The following TTC29 variants were observed in gnomAD, a reference collection of about 807,000 sequenced individuals.
TTC29 encodes tetratricopeptide repeat domain 29.
In TTC29, 49 loss-of-function variants were observed where a neutral mutation model predicts 58.1. The observed-to-expected ratio is 0.84, with a 90% CI of 0.67 to 1.07. TTC29 has a LOEUF of 1.07. TTC29 is among the 50% of genes least tolerant of loss of function. The pLI is 0.00. For missense variants in TTC29, 582 were observed against 555.6 expected (o/e 1.05, Z -0.48); for synonymous variants, 209 against 196.8 (o/e 1.06, Z -0.52).
At chr4:146,876,489 T>C (rs1462975146) in intron 6 of TTC29, among the ~76,000 whole-genome samples, 4 of 152,242 alleles carry the variant, frequency 2.6e-5, no homozygotes, top group Non-Finnish European at 5.9e-5. Context: ...GGGTTGGAGC[T>C]ACTTCCATGA....
At chr4:146,849,040 C>T (rs1051102368) in intron 8 of TTC29, among the ~76,000 whole-genome samples, 1 of 152,114 alleles carries the variant, frequency 6.6e-6, no homozygotes, top group Admixed American at 6.5e-5. Flanking sequence ...CTACTCACTG[C>T]GAGTCTGGAG....
intron 6 of TTC29, among the ~76,000 whole-genome samples, chr4:146,900,533 G>A (rs957814395): frequency 6.6e-6 from 1 of 152,132 alleles, no homozygotes; most frequent in Non-Finnish European, 1.5e-5. Context: ...GCCACTAAAT[G>A]GTAGGTGCAA....
At chr4:146,805,224 TC>T (rs1427570150) in intron 10 of TTC29, among the ~76,000 whole-genome samples, 1 of 151,906 alleles carries the variant, frequency 6.6e-6, no homozygotes, top group Non-Finnish European at 1.5e-5. Flanking sequence ...AGAAATGCCA[TC>T]CGAAGATTAC....
intron 11 of TTC29, among the ~76,000 whole-genome samples, chr4:146,795,874 A>G (rs1018424512): frequency 1.3e-5 from 2 of 152,216 alleles, no homozygotes; most frequent in African/African-American, 4.8e-5. Flanking sequence ...CTGAACTGGT[A>G]TAATATTTGG....
intron 11 of TTC29, among the ~76,000 whole-genome samples, chr4:146,794,511 T>C (rs1728561738): frequency 6.6e-6 from 1 of 152,070 alleles, no homozygotes; most frequent in African/African-American, 2.4e-5. Context: ...AATATTAATC[T>C]CAAAGTTTTA....
intron 2 of TTC29, chr4:146,942,741 T>C (rs1736527069): frequency 2.4e-6 from 2 of 840,974 alleles, no homozygotes; most frequent in Non-Finnish European, 3.6e-6. Context: ...ATTTGGGGCA[T>C]TCCATCCTCT....
chr4:146,884,903 T>C (rs530698638), intron 6 of TTC29, among the ~76,000 whole-genome samples: 1 of 152,190 alleles, frequency 6.6e-6, no homozygotes, highest in East Asian at 1.9e-4. Context: ...AAGGAGGCTT[T>C]ATTGTTAAAA....
At chr4:146,937,712 C>T in intron 3 of TTC29, 35 bp from the exon 4 acceptor site, 1 of 1,276,760 alleles carries the variant, frequency 7.8e-7, no homozygotes, top group South Asian at 1.4e-5. Flanking sequence ...AAAGCACAGC[C>T]TTATCAAGTT....
intron 8 of TTC29, among the ~76,000 whole-genome samples, chr4:146,864,103 T>C (rs1730417616): frequency 6.6e-6 from 1 of 152,138 alleles, no homozygotes; most frequent in South Asian, 2.1e-4. Flanking sequence ...CTTTTTAAGC[T>C]CCAGACCCTC....
At position 146,933,559 on chromosome 4, in the gene TTC29, G is replaced by A. The variant is rs77904652; in HGVS notation, c.176+4035C>T. ...GTACAGAAACTCTTCGGACATGACT[G>A]TCTGTACTTGTTAAAGATCAGTTAG... On this transcript the variant is annotated intron_variant, in intron 4 of 12. Transcript: ENST00000325106. 1.2e-3 allele frequency among the ~76,000 whole-genome samples: 177 copies of A among 152,288 alleles called. 1 individual carries two copies. The highest frequency in any genetic ancestry group is 4.1e-3 in the African/African-American group (171 of 41,570).
intron 3 of TTC29, among the ~76,000 whole-genome samples, chr4:146,938,700 G>T (rs1736077965): frequency 1.3e-5 from 2 of 152,046 alleles, no homozygotes; most frequent in African/African-American, 4.8e-5. Context: ...TTAGCTGAAT[G>T]TATTTATTTT....
At chr4:146,707,373 G>T in intron 12 of TTC29, 112 bp downstream of exon 12, 2 of 823,108 alleles carry the variant, frequency 2.4e-6, no homozygotes, top group Non-Finnish European at 3.8e-6. Flanking sequence ...CACTATTAAG[G>T]TTATCAAGTG....
intron 8 of TTC29, among the ~76,000 whole-genome samples, chr4:146,836,886 A>T (rs1182557956): frequency 6.6e-6 from 1 of 152,116 alleles, no homozygotes; most frequent in Non-Finnish European, 1.5e-5. Context: ...ATGCTTATAC[A>T]CTGTTGGTGG....
intron 4 of TTC29, among the ~76,000 whole-genome samples, chr4:146,917,422 T>G (rs1182484295): frequency 4.0e-5 from 6 of 148,700 alleles, no homozygotes; most frequent in African/African-American, 1.5e-4. Flanking sequence ...TATAATGATC[T>G]TGATTTTTTT....
chr4:146,742,866 T>A (rs1579572351), intron 11 of TTC29, among the ~76,000 whole-genome samples: 1 of 151,872 alleles, frequency 6.6e-6, no homozygotes, highest in East Asian at 1.9e-4. Context: ...GATCAGGCTA[T>A]GTATATAAAA....
At chr4:146,869,878 T>C (rs560594974) in intron 7 of TTC29, among the ~76,000 whole-genome samples, 1 of 152,122 alleles carries the variant, frequency 6.6e-6, no homozygotes, top group South Asian at 2.1e-4. Flanking sequence ...GAGAAAAATG[T>C]CGGTAAGAAT....
intron 5 of TTC29, among the ~76,000 whole-genome samples, chr4:146,904,359 T>A (rs982985537): frequency 6.6e-6 from 1 of 152,016 alleles, no homozygotes; most frequent in African/African-American, 2.4e-5. Context: ...TCTATGGGTA[T>A]TTTTTTGCTG....
At chr4:146,881,583 C>G (rs568118937) in intron 6 of TTC29, among the ~76,000 whole-genome samples, 17 of 152,032 alleles carry the variant, frequency 1.1e-4, no homozygotes, top group Non-Finnish European at 1.6e-4. Flanking sequence ...TGTTATTGCC[C>G]CTTTGCAAAA....
chr4:146,819,072 T>C (rs1751635983), intron 10 of TTC29, among the ~76,000 whole-genome samples: 1 of 151,532 alleles, frequency 6.6e-6, no homozygotes, highest in African/African-American at 2.4e-5. Flanking sequence ...AACCTGCACA[T>C]TGTGCACATG....
Sources: gnomAD v4.1 joint callset for allele counts (sites outside exome capture counted in the v4.1 genomes callset) on GRCh38, gnomAD v4.1.1 for gene constraint, MANE v1.5 for transcripts, NCBI Gene and HGNC (gene_info 2026-07-23, HGNC 2026-07-21) for gene names.